KCNK10: variants seen among roughly 807,000 people sequenced by gnomAD.
KCNK10 encodes the protein potassium channel subfamily K member 10.
Under a neutral mutation model 47.7 loss-of-function variants are expected in KCNK10, and 25 were observed. The ratio of observed to expected loss-of-function variants is 0.52; its 90% CI spans 0.38 to 0.73. KCNK10 has a LOEUF of 0.73. Ranked by LOEUF, KCNK10 falls within the 30% of genes least tolerant of loss-of-function variation. KCNK10 has a pLI of 0.00. For missense variants in KCNK10, 563 were observed against 714.5 expected, an observed-to-expected ratio of 0.79 and a Z score of 2.42; for synonymous variants, 303 against 285.6, an observed-to-expected ratio of 1.06 and a Z score of -0.61.
rs1884395570 is a variant in KCNK10, at chr14:88,182,276, T to G, written c.*3259A>C. The G allele has an allele frequency of 1.3e-5, 2 of 152,312 alleles. No individual in the cohort carries two copies. The allele number at this position is 152,312 out of a possible 1,614,324, so 9.4% of individuals were successfully genotyped here. A position where few individuals can be genotyped will look rare whatever the true frequency, so the allele number is the denominator to read the frequency against. ...CAGCCCCCACTGAAGATGGTGGACG[T>G]GTGCTCTTTCTTTGTGTGAAATCGA... On this transcript the variant is annotated 3_prime_UTR_variant, in exon 7 of 7. Coordinates refer to ENST00000319231, the MANE Select transcript of KCNK10 (RefSeq NM_138317.3).
At chr14:88,212,575 T>C (rs540701092) in intron 4 of KCNK10, among the ~76,000 whole-genome samples, 1 of 152,246 alleles carries the variant, frequency 6.6e-6, no homozygotes, top group Non-Finnish European at 1.5e-5. Context: ...TAAGGAGACA[T>C]ATTGTTTATT....
At chr14:88,281,476 T>C (rs1014292956) in intron 1 of KCNK10, among the ~76,000 whole-genome samples, 3 of 152,154 alleles carry the variant, frequency 2.0e-5, no homozygotes, top group African/African-American at 7.2e-5. Context: ...GAGGCCTGAA[T>C]AGAACAAAAT....
rs182537310 is a variant in KCNK10 at position 88,200,948 on chromosome 14, G to A, written c.682-8538C>T. On this transcript the variant is annotated intron_variant, in intron 4 of 6. Transcript: ENST00000319231. Reference sequence around the variant, plus strand: ...AGGGACCTCATGACACTGTGGAACTGTTTGCCTACCACAGTCTCCATATTT... The same window carrying A: ...AGGGACCTCATGACACTGTGGAACTATTTGCCTACCACAGTCTCCATATTT... Among the ~76,000 whole-genome samples the A allele has an allele frequency of 2.3e-3, 345 of 152,366 alleles. 2 individuals carry two copies. Among genetic ancestry groups the A allele is most frequent in the Non-Finnish European group, 3.4e-3 (230 of 68,040 alleles).
chr14:88,300,771 C>T (rs951193210), intron 1 of KCNK10, among the ~76,000 whole-genome samples: 1 of 152,152 alleles, frequency 6.6e-6, no homozygotes, highest in Non-Finnish European at 1.5e-5. Flanking sequence ...AAGAACTCAC[C>T]TATGCCTTCA....
chr14:88,200,318 T>C (rs147586603), intron 4 of KCNK10, among the ~76,000 whole-genome samples: 209 of 152,146 alleles, frequency 1.4e-3, no homozygotes, highest in African/African-American at 4.9e-3. Flanking sequence ...GCAAACAAAA[T>C]TAGAAAATCT....
At chr14:88,307,572 C>A (rs1439667867) in intron 1 of KCNK10, among the ~76,000 whole-genome samples, 1 of 152,144 alleles carries the variant, frequency 6.6e-6, no homozygotes, top group Non-Finnish European at 1.5e-5. Flanking sequence ...CTAAAAACCA[C>A]TGAATTGTAC....
chr14:88,237,246 A>G (rs1220653468), intron 3 of KCNK10, among the ~76,000 whole-genome samples: 1 of 152,204 alleles, frequency 6.6e-6, no homozygotes, highest in Non-Finnish European at 1.5e-5. Flanking sequence ...AAGTTTTATC[A>G]TGAGATGCAG....
chr14:88,230,497 G>A (rs1206626901), intron 3 of KCNK10, among the ~76,000 whole-genome samples: 1 of 152,236 alleles, frequency 6.6e-6, no homozygotes, highest in Non-Finnish European at 1.5e-5. Flanking sequence ...TGCACACAAA[G>A]GCTTCCACTT....
At chr14:88,238,636 T>C (rs1013795736) in intron 3 of KCNK10, among the ~76,000 whole-genome samples, 4 of 152,190 alleles carry the variant, frequency 2.6e-5, no homozygotes, top group Non-Finnish European at 4.4e-5. Context: ...ATCACACCAC[T>C]GCACTCCTGC....
chr14:88,318,016 T>A (rs895190646), intron 1 of KCNK10, among the ~76,000 whole-genome samples: 3 of 152,202 alleles, frequency 2.0e-5, no homozygotes, highest in African/African-American at 7.2e-5. Flanking sequence ...AGTCCACCCA[T>A]CCACCCTCAC....
intron 4 of KCNK10, among the ~76,000 whole-genome samples, chr14:88,226,548 G>C (rs2139871252): frequency 6.6e-6 from 1 of 152,264 alleles, no homozygotes; most frequent in African/African-American, 2.4e-5. Flanking sequence ...TTGAGAATTA[G>C]GTCAGCGGTG....
At chr14:88,289,003 T>C (rs575912919) in intron 1 of KCNK10, among the ~76,000 whole-genome samples, 1 of 152,190 alleles carries the variant, frequency 6.6e-6, no homozygotes, top group South Asian at 2.1e-4. Flanking sequence ...GATTTGCTCA[T>C]TCCCTGTGTG....
At chr14:88,305,697 T>G (rs1888189760) in intron 1 of KCNK10, among the ~76,000 whole-genome samples, 1 of 152,126 alleles carries the variant, frequency 6.6e-6, no homozygotes, top group Admixed American at 6.5e-5. Flanking sequence ...ATCCTACAAT[T>G]ACAATTTGAG....
At chr14:88,312,916 C>T (rs1025265263) in intron 1 of KCNK10, among the ~76,000 whole-genome samples, 1 of 152,054 alleles carries the variant, frequency 6.6e-6, no homozygotes, top group Non-Finnish European at 1.5e-5. Flanking sequence ...ATGTTTCAAG[C>T]CGTTGGTAAA....
At chr14:88,246,347 A>G (rs541012218) in intron 2 of KCNK10, among the ~76,000 whole-genome samples, 6 of 152,122 alleles carry the variant, frequency 3.9e-5, no homozygotes, top group Admixed American at 1.3e-4. Context: ...TGAGAAAGGC[A>G]ACTGGCAGAC....
At chr14:88,190,815 C>A (rs1339014093) in intron 5 of KCNK10, among the ~76,000 whole-genome samples, 1 of 152,166 alleles carries the variant, frequency 6.6e-6, no homozygotes, top group Non-Finnish European at 1.5e-5. Flanking sequence ...GGGAGGCACG[C>A]ATGCCCCTAT....
intron 4 of KCNK10, among the ~76,000 whole-genome samples, chr14:88,192,666 C>T (rs953749590): frequency 6.6e-6 from 1 of 152,196 alleles, no homozygotes; most frequent in African/African-American, 2.4e-5. Flanking sequence ...AAAAATCCTG[C>T]TTAGCCAATG....
chr14:88,221,765 C>T (rs1427435970), intron 4 of KCNK10, among the ~76,000 whole-genome samples: 1 of 152,182 alleles, frequency 6.6e-6, no homozygotes, highest in Non-Finnish European at 1.5e-5. Flanking sequence ...TTTATATCAG[C>T]TTTATTCGTA....
chr14:88,282,827 C>G (rs775630828), intron 1 of KCNK10, among the ~76,000 whole-genome samples: 12 of 152,186 alleles, frequency 7.9e-5, no homozygotes, highest in Non-Finnish European at 1.8e-4. Context: ...ATCAAGCTCT[C>G]CCATGCACAA....
Sources: gnomAD v4.1 joint callset for allele counts (sites outside exome capture counted in the v4.1 genomes callset) on GRCh38, gnomAD v4.1.1 for gene constraint, MANE v1.5 for transcripts, NCBI Gene and HGNC (gene_info 2026-07-23, HGNC 2026-07-21) for gene names.